Variants in ULK1 observed in about 807,000 individuals in gnomAD.
ULK1 encodes the protein serine/threonine-protein kinase ULK1.
Under a neutral mutation model 117.5 loss-of-function variants are expected in ULK1, and 48 were observed. The ratio of observed to expected loss-of-function variants is 0.41; its 90% confidence interval spans 0.32 to 0.52. The LOEUF is 0.52. Ranked by LOEUF, ULK1 falls within the 20% of genes least tolerant of loss-of-function variation. The pLI is 0.29. For missense variants in ULK1, 1,387 were observed against 1,473.4 expected (o/e 0.94, Z 0.96); for synonymous variants, 790 against 637.8 (o/e 1.24, Z -3.60).
In ULK1 at chr12:131,917,117, ATGGGGGT is replaced by A. The variant is rs1889844851; in HGVS notation, c.2182+56_2182+62del. On this transcript the variant is annotated intron_variant, in intron 21 of 27. Transcript: ENST00000321867. ...TGGGATGGGGGTCGGAGGCTGTGGG[ATGGGGGT>A]CGGAGGCTGTGGGATGGGGGTCGGA... The A allele has an allele frequency of 3.8e-5, 25 of 665,374 alleles. 1 individual carries two copies. Among genetic ancestry groups the A allele is most frequent in the Middle Eastern group, 5.3e-4 (1 of 1,902 alleles). The allele number at this position is 665,374 out of a possible 1,614,324, so 41.2% of individuals were successfully genotyped here. A position where few individuals can be genotyped will look rare whatever the true frequency, so the allele number is the denominator to read the frequency against.
In ULK1 at chr12:131,919,319, C is replaced by T. The variant is rs1413958627; in HGVS notation, c.2619C>T (p.Gly873=). 17 of 1,587,060 alleles carry T rather than the reference C, an allele frequency of 1.1e-5. No individual in the cohort carries two copies. The Admixed American group carries it at 1.7e-4, about 16-fold the overall frequency. ...GCAGCGCCAGTGAGGCGGCGGGGGG[C>T]CCTGAGTACCAGCTGCAGGAGAGTG... ...LKGSASEAAG[G]PEYQLQESVV... is the part of the protein sequence containing the mutation. Residue 873 remains glycine, a synonymous_variant, in exon 24 of 28, where the codon GGC becomes GGT. Transcript: ENST00000321867.
intron 8 of ULK1, 79 bp from the exon 9 acceptor site, chr12:131,909,696 G>T: frequency 1.4e-6 from 2 of 1,407,040 alleles, no homozygotes; most frequent in Non-Finnish European, 1.9e-6. Context: ...GGGCCGACTG[G>T]GGACGAACGC....
chr12:131,913,779 G>C lies in ULK1; in HGVS notation c.1190G>C (p.Ser397Thr). 6.3e-7 allele frequency: 1 copy of C among 1,576,428 alleles called. No individual in the cohort carries two copies. Among genetic ancestry groups the C allele is most frequent in the Non-Finnish European group, 8.6e-7 (1 of 1,161,342 alleles). ...CTGGTGGCCTCTGCGGGCTTGGAGA[G>C]CCACGGCCGGACCCCATCTCCATCC... is the stretch of plus-strand genomic sequence containing the variant. ...SSLVASAGLESHGRTPSPSPP... is the reference protein window; with the variant it reads ...SSLVASAGLETHGRTPSPSPP... Residue 397 changes from serine to threonine, a missense_variant, in exon 15 of 28, where the codon AGC becomes ACC. Ser to Thr is a moderately conservative substitution (Grantham distance 58). Transcript: ENST00000321867.
chr12:131,900,031 C>T (rs528140018), intron 3 of ULK1, among the ~76,000 whole-genome samples: 15 of 147,238 alleles, frequency 1.0e-4, no homozygotes, highest in East Asian at 2.1e-4. Flanking sequence ...GCAGGAGAAT[C>T]GCTTGAACCC....
chr12:131,905,165 G>C (rs1225208516), intron 3 of ULK1, among the ~76,000 whole-genome samples: 2 of 152,154 alleles, frequency 1.3e-5, no homozygotes, highest in Non-Finnish European at 2.9e-5. Flanking sequence ...TGGGGTTGCT[G>C]CCTGAGCACC....
intron 22 of ULK1, 114 bp downstream of exon 22, chr12:131,917,668 G>T: frequency 9.0e-7 from 1 of 1,116,748 alleles, no homozygotes; most frequent in East Asian, 3.2e-5. Flanking sequence ...GAGCCCAGGG[G>T]TGCCTGAGGA....
Position 131,909,193 on chromosome 12 carries a change from G to A in ULK1, c.622G>A (p.Gly208Ser), listed in dbSNP as rs1391251442. The change falls in exon 8 of 28, where the codon GGC becomes AGC. Residue 208 changes from glycine to serine, a missense_variant. Physicochemically the swap from Gly to Ser is moderately conservative, Grantham distance 56. Around this residue, in one of 4 missense-constraint regions of ULK1, gnomAD observed 224 missense variants for 325.2 expected, o/e 0.69. Coordinates refer to ENST00000321867, the MANE Select transcript of ULK1 (RefSeq NM_003565.4). Reference sequence around the variant, plus strand: ...CGGGAAGGCGGACCTGTGGAGCATCGGCACCATCGTCTACCAGTGCCTGAC... The same window carrying A: ...CGGGAAGGCGGACCTGTGGAGCATCAGCACCATCGTCTACCAGTGCCTGAC... ...YDGKADLWSI[G>S]TIVYQCLTGK... The A allele has an allele frequency of 1.2e-6, 2 of 1,609,980 alleles. No individual in the cohort carries two copies. Among genetic ancestry groups the A allele is most frequent in the African/African-American group, 1.3e-5 (1 of 74,966 alleles).
chr12:131,895,145 C>G, intron 1 of ULK1, 33 bp downstream of exon 1: 2 of 1,427,802 alleles, frequency 1.4e-6, no homozygotes, highest in Non-Finnish European at 1.9e-6. Context: ...GATCCCCCGC[C>G]CAGGATCCCC....
intron 3 of ULK1, among the ~76,000 whole-genome samples, chr12:131,905,968 C>T (rs1288452353): frequency 6.6e-6 from 1 of 152,172 alleles, no homozygotes; most frequent in Non-Finnish European, 1.5e-5. Flanking sequence ...GAGGGGGTGG[C>T]TGAGACGCCT....
rs1248026784 is a variant in ULK1, at chr12:131,922,582, A to G, written c.*1221A>G. ...CCTGCCTTCCGGATTCCAGGCGGGC[A>G]TGCCCTGCAAACCCCGCCTGGGCCT... On this transcript the variant is annotated 3_prime_UTR_variant, in exon 28 of 28. Transcript: ENST00000321867. 3.2e-5 allele frequency: 5 copies of G among 154,500 alleles called. No homozygotes were observed. Among genetic ancestry groups the G allele is most frequent in the African/African-American group, 1.2e-4 (5 of 41,466 alleles). The allele number at this position is 154,500 out of a possible 1,614,324, so 9.6% of individuals were successfully genotyped here.
intron 3 of ULK1, among the ~76,000 whole-genome samples, chr12:131,899,382 T>A (rs1889002109): frequency 1.3e-5 from 2 of 151,870 alleles, no homozygotes; most frequent in Non-Finnish European, 2.9e-5. Flanking sequence ...GAGACAAGGT[T>A]TCTCTGTGTT....
intron 12 of ULK1, 22 bp from the exon 13 acceptor site, chr12:131,911,920 C>T (rs1889553927): frequency 6.2e-7 from 1 of 1,612,784 alleles, no homozygotes; most frequent in Non-Finnish European, 8.5e-7. Context: ...ACCTGCTCAC[C>T]AGCCCCTCCG....
chr12:131,918,380 G>A (rs968373003), intron 22 of ULK1, 117 bp from the exon 23 acceptor site: 1 of 1,245,518 alleles, frequency 8.0e-7, no homozygotes, highest in Non-Finnish European at 1.1e-6. Flanking sequence ...GGATATAACA[G>A]GTGTAAACCG....
Position 131,916,494 on chromosome 12 carries a change from C to T in ULK1, c.1975C>T (p.Arg659Trp), listed in dbSNP as rs141355903. 2.1e-4 allele frequency: 343 copies of T among 1,612,354 alleles called. 1 individual carries two copies. The highest frequency in any genetic ancestry group is 6.6e-4 in the Middle Eastern group (4 of 6,056). Reference protein sequence around the residue: ...QGVVMTPPRNRTLPDLSEVGP... With the variant: ...QGVVMTPPRNWTLPDLSEVGP... ...CGTGGTGATGACGCCCCCTCGAAAC[C>T]GGACGCTGCCCGACCTCTCGGAGGT... Residue 659 changes from arginine (R) to tryptophan (W), a missense_variant, in exon 20 of 28, where the codon CGG becomes TGG. By Grantham distance (101) the Arg-to-Trp change is moderately radical. Around this residue, in one of 4 missense-constraint regions of ULK1, gnomAD observed 900 missense variants for 858.9 expected, o/e 1.05. Coordinates refer to ENST00000321867, the MANE Select transcript of ULK1 (RefSeq NM_003565.4).
In ULK1 at chr12:131,913,137, G is replaced by A. The variant is rs960766102; in HGVS notation, c.1097-61G>A. 1.6e-5 allele frequency: 24 copies of A among 1,472,860 alleles called. No homozygotes were observed. The African/African-American group carries it at 3.0e-4, about 19-fold the overall frequency. The allele number at this position is 1,472,860 out of a possible 1,614,324, so 91.2% of individuals were successfully genotyped here. On this transcript the variant is annotated intron_variant, in intron 13 of 27. Coordinates refer to ENST00000321867, the MANE Select transcript of ULK1 (RefSeq NM_003565.4). ...GGGGATCCAGCAGAGAGCCTCGGTG[G>A]GGTGGGGTGGCCCTGGGCAGGCGGC...
chr12:131,917,008 C>T lies in ULK1; in HGVS notation c.2128C>T (p.Gln710Ter). 6.3e-7 allele frequency: 1 copy of T among 1,593,948 alleles called. No individual in the cohort carries two copies. Residue 710 changes from glutamine to a stop codon, truncating the protein, a stop_gained, in exon 21 of 28, where the codon CAA becomes TAA. Coordinates refer to ENST00000321867, the MANE Select transcript of ULK1 (RefSeq NM_003565.4). LOFTEE classifies it high-confidence loss of function. ...GCTCCTTAAGGCGGCGTTTGGGACA[C>T]AAGCCCCGGACCCGGGCAGCACGGA... ...DLLLKAAFGT[Q>*]APDPGSTESL...
Position 131,898,982 on chromosome 12 carries a change from G to A in ULK1, c.246+3158G>A, listed in dbSNP as rs556943100. Among the ~76,000 whole-genome samples the A allele has an allele frequency of 1.4e-3, 217 of 150,654 alleles. 1 individual carries two copies. The highest frequency in any genetic ancestry group is 4.6e-4 in the Admixed American group (7 of 15,092). On this transcript the variant is annotated intron_variant, in intron 3 of 27. Transcript: ENST00000321867. ...CAACCTCCACCTCCCTGGTTCAAGC[G>A]ATTCTCCTGCCTCAGCCTCCCGAGT...
intron 3 of ULK1, among the ~76,000 whole-genome samples, chr12:131,900,600 G>A (rs573140549): frequency 1.3e-4 from 20 of 152,282 alleles, no homozygotes; most frequent in African/African-American, 4.6e-4. Context: ...GCATGCCCTG[G>A]GAGGAGGGCT....
chr12:131,901,903 C>T (rs1307876722), intron 3 of ULK1, among the ~76,000 whole-genome samples: 2 of 152,148 alleles, frequency 1.3e-5, no homozygotes, highest in African/African-American at 4.8e-5. Context: ...CCCCAACTCG[C>T]ACTGGGGTTG....
Sources: gnomAD v4.1 joint callset for allele counts (sites outside exome capture counted in the v4.1 genomes callset) on GRCh38, gnomAD v4.1.1 for gene constraint, gnomAD v4.1.1 regional missense constraint, MANE v1.5 for transcripts, NCBI Gene and HGNC (gene_info 2026-07-23, HGNC 2026-07-21) for gene names.